SLC38A6: variants seen among roughly 807,000 people sequenced by gnomAD.
SLC38A6 encodes the protein solute carrier family 38 member 6.
In SLC38A6, 73 loss-of-function variants were observed where a neutral mutation model predicts 65.0. The ratio of observed to expected loss-of-function variants is 1.12; its 90% CI spans 0.93 to 1.37. SLC38A6 has a LOEUF of 1.37. Among genes scored for constraint, SLC38A6 ranks in the 40% most tolerant of loss-of-function variants. The pLI is 0.00. For missense variants in SLC38A6, 561 were observed against 531.1 expected, an observed-to-expected ratio of 1.06 and a Z score of -0.55; for synonymous variants, 183 against 178.8, an observed-to-expected ratio of 1.02 and a Z score of -0.19.
At chr14:61,015,866 T>A in intron 3 of SLC38A6, 38 bp from the exon 4 acceptor site, 3 of 1,545,198 alleles carry the variant, frequency 1.9e-6, no homozygotes, top group Non-Finnish European at 2.6e-6. Context: ...ACATAAATAG[T>A]TTTGTGTAAA....
intron 12 of SLC38A6, among the ~76,000 whole-genome samples, chr14:61,047,427 T>C (rs927884178): frequency 6.6e-6 from 1 of 152,176 alleles, no homozygotes; most frequent in African/African-American, 2.4e-5. Context: ...ATAACAATTC[T>C]GCAAGCTCAG....
chr14:60,996,902 G>C (rs2038333650), intron 3 of SLC38A6, among the ~76,000 whole-genome samples: 1 of 152,180 alleles, frequency 6.6e-6, no homozygotes, highest in South Asian at 2.1e-4. Context: ...CCAAACTGTT[G>C]CTTAAGTGTG....
At chr14:61,043,280 T>G in intron 9 of SLC38A6, 68 bp downstream of exon 9, 1 of 1,189,626 alleles carries the variant, frequency 8.4e-7, no homozygotes, top group Non-Finnish European at 1.2e-6. Flanking sequence ...GAAAGACTAA[T>G]GATTCTTTTC....
intron 3 of SLC38A6, among the ~76,000 whole-genome samples, chr14:61,005,819 T>C (rs919354769): frequency 4.5e-4 from 68 of 151,792 alleles, no homozygotes; most frequent in African/African-American, 1.5e-3. Context: ...CTTCACAGAG[T>C]TGGAAAAAAC....
intron 15 of SLC38A6, among the ~76,000 whole-genome samples, chr14:61,077,949 T>C (rs2043484810): frequency 6.6e-6 from 1 of 152,272 alleles, no homozygotes; most frequent in Non-Finnish European, 1.5e-5. Context: ...TCTCAAATTA[T>C]ATTTCCAGCC....
At chr14:61,044,326 C>A (rs2042000836) in intron 10 of SLC38A6, among the ~76,000 whole-genome samples, 1 of 152,184 alleles carries the variant, frequency 6.6e-6, no homozygotes, top group African/African-American at 2.4e-5. Context: ...TGAGAAATAT[C>A]TCTCTGGTCC....
intron 6 of SLC38A6, among the ~76,000 whole-genome samples, chr14:61,031,270 G>T (rs1422911280): frequency 6.6e-6 from 1 of 152,118 alleles, no homozygotes; most frequent in African/African-American, 2.4e-5. Flanking sequence ...ATTTCACATA[G>T]TTAAGTTTCA....
At chr14:61,068,022 G>A (rs990192490) in intron 15 of SLC38A6, among the ~76,000 whole-genome samples, 1 of 152,136 alleles carries the variant, frequency 6.6e-6, no homozygotes, top group East Asian at 1.9e-4. Context: ...TTTGGATGAA[G>A]TTGTTAATAT....
At chr14:61,011,143 T>C (rs1428172769) in intron 3 of SLC38A6, among the ~76,000 whole-genome samples, 1 of 152,214 alleles carries the variant, frequency 6.6e-6, no homozygotes, top group Non-Finnish European at 1.5e-5. Flanking sequence ...TTTGAAGCAA[T>C]GGTCAATGGG....
intron 3 of SLC38A6, among the ~76,000 whole-genome samples, chr14:61,009,862 A>G (rs1191786609): frequency 5.3e-5 from 8 of 152,194 alleles, no homozygotes; most frequent in African/African-American, 1.9e-4. Context: ...TTGTCTTTAT[A>G]GAAGCATGAT....
At chr14:60,990,311 G>A (rs1045271118) in intron 3 of SLC38A6, among the ~76,000 whole-genome samples, 13 of 152,154 alleles carry the variant, frequency 8.5e-5, no homozygotes, top group African/African-American at 2.9e-4. Flanking sequence ...GATTACAGGT[G>A]TGAGTGATCT....
intron 12 of SLC38A6, among the ~76,000 whole-genome samples, chr14:61,046,537 T>C (rs2042159961): frequency 6.6e-6 from 1 of 152,178 alleles, no homozygotes; most frequent in Non-Finnish European, 1.5e-5. Flanking sequence ...GAGTCAGTCA[T>C]CTTAATTGCA....
chr14:61,045,990 G>C, intron 11 of SLC38A6, 77 bp from the exon 12 acceptor site: 1 of 797,324 alleles, frequency 1.3e-6, no homozygotes, highest in South Asian at 2.0e-5. Context: ...GAATTCTCTC[G>C]ACCAGCTTAG....
chr14:61,050,534 A>G lies in SLC38A6; in HGVS notation c.948A>G (p.Leu316=). ...TFYDKVESEL[L]KGYSKYLSHD... ...CAGACAAAGTGGAGTCAGAATTACT[A>G]AAAGGTTATAGTAAATACTTATCAC... The change falls in exon 13 of 16, where the codon CTA becomes CTG. Residue 316 remains leucine (L), a synonymous_variant. Coordinates refer to ENST00000267488, the MANE Select transcript of SLC38A6 (RefSeq NM_153811.3). 1 of 1,555,212 alleles carries G rather than the reference A, an allele frequency of 6.4e-7. No homozygotes were observed. Among genetic ancestry groups the G allele is most frequent in the Admixed American group, 1.7e-5 (1 of 58,376 alleles).
At chr14:60,992,052 G>T (rs1436847222) in intron 3 of SLC38A6, among the ~76,000 whole-genome samples, 2 of 152,176 alleles carry the variant, frequency 1.3e-5, no homozygotes, top group South Asian at 2.1e-4. Flanking sequence ...CTGTTACTCA[G>T]GTAGAAGAAG....
At chr14:61,083,662 G>A in exon 17 of SLC38A6, 1 of 1,550,218 alleles carries the variant, frequency 6.5e-7, no homozygotes, top group Non-Finnish European at 8.7e-7. Context: ...AACCAAACGT[G>A]TCCACACCTT....
chr14:61,074,205 T>C (rs556620867), intron 15 of SLC38A6, among the ~76,000 whole-genome samples: 14 of 152,284 alleles, frequency 9.2e-5, no homozygotes, highest in Non-Finnish European at 1.8e-4. Context: ...TGTAAATACA[T>C]TTATATTTGC....
intron 8 of SLC38A6, among the ~76,000 whole-genome samples, chr14:61,040,185 G>A (rs2041705085): frequency 6.6e-6 from 1 of 151,196 alleles, no homozygotes; most frequent in Non-Finnish European, 1.5e-5. Flanking sequence ...TTTTTTTTAA[G>A]AGACAGAATC....
At chr14:61,003,434 A>G (rs2038847376) in intron 3 of SLC38A6, among the ~76,000 whole-genome samples, 1 of 152,138 alleles carries the variant, frequency 6.6e-6, no homozygotes, top group Non-Finnish European at 1.5e-5. Flanking sequence ...TCCAGTTGAA[A>G]CAATACCCCC....
Sources: allele counts gnomAD v4.1 joint callset (sites outside exome capture counted in the v4.1 genomes callset), GRCh38; gene constraint gnomAD v4.1.1; transcripts MANE v1.5; gene names NCBI Gene and HGNC (gene_info 2026-07-23, HGNC 2026-07-21).